The following LLGL2 variants were observed in gnomAD, a reference collection of about 807,000 sequenced individuals.
LLGL2 encodes the protein LLGL scribble cell polarity complex component 2.
Under a neutral mutation model 123.2 loss-of-function variants are expected in LLGL2, and 81 were observed. The observed-to-expected ratio is 0.66, with a 90% CI of 0.55 to 0.79. LLGL2 has a LOEUF of 0.79. LLGL2 is among the 30% of genes least tolerant of loss of function. LLGL2 has a pLI of 0.00. For synonymous variants in LLGL2, 577 were observed against 594.1 expected, an observed-to-expected ratio of 0.97 and a Z score of 0.42; for missense variants, 1,273 against 1,414.6, an observed-to-expected ratio of 0.90 and a Z score of 1.61.
Position 75,575,132 on chromosome 17 carries a change from A to G in LLGL2, c.*254A>G. 1.7e-6 allele frequency: 1 copy of G among 590,518 alleles called. No individual in the cohort carries two copies. The allele number at this position is 590,518 out of a possible 1,614,324, so 36.6% of individuals were successfully genotyped here. A position where few individuals can be genotyped will look rare whatever the true frequency, so the allele number is the denominator to read the frequency against. On this transcript the variant is annotated 3_prime_UTR_variant, in exon 26 of 26. Transcript: ENST00000392550. Reference sequence around the variant, plus strand: ...TTTTATTGCTCCCATCCCTTTTTGTAGTGGGCTGGGTTTTAAGTTATAAAT... The same window carrying G: ...TTTTATTGCTCCCATCCCTTTTTGTGGTGGGCTGGGTTTTAAGTTATAAAT...
chr17:75,558,518 C>G lies in LLGL2; in HGVS notation c.262C>G (p.Leu88Val). Residue 88 changes from leucine to valine, a missense_variant, in exon 5 of 26, where the codon CTG becomes GTG. Coordinates refer to ENST00000392550, the MANE Select transcript of LLGL2 (RefSeq NM_001031803.2). This position sits in a 1 kb window ranked among gnomAD's most constrained non-coding sequence, Gnocchi z 4.0. Reference protein sequence around the residue: ...QIHLLPGQCQLVTLLDDNSLH... With the variant: ...QIHLLPGQCQVVTLLDDNSLH... ...CGTCGTGTGCCCTCGCCAGTGCCAG[C>G]TGGTCACCCTGCTGGATGACAACAG... The G allele has an allele frequency of 1.3e-6, 2 of 1,593,270 alleles. No individual in the cohort carries two copies. The highest frequency in any genetic ancestry group is 1.7e-6 in the Non-Finnish European group (2 of 1,170,644).
chr17:75,556,647 C>T (rs1434694232), intron 3 of LLGL2, among the ~76,000 whole-genome samples: 3 of 152,186 alleles, frequency 2.0e-5, no homozygotes, highest in African/African-American at 7.2e-5. Context: ...CTGGCTGGTG[C>T]GCCAGTAGCA....
At chr17:75,548,279 CTTTTTTTT>C (rs112381847) in intron 2 of LLGL2, among the ~76,000 whole-genome samples, 1 of 144,206 alleles carries the variant, frequency 6.9e-6, no homozygotes, top group African/African-American at 2.5e-5. Flanking sequence ...TTTTTTTTTC[CTTTTTTTT>C]TTTTTTTTGG....
At chr17:75,556,321 C>T (rs1183247360) in intron 3 of LLGL2, among the ~76,000 whole-genome samples, 178 bp downstream of exon 3, 1 of 152,144 alleles carries the variant, frequency 6.6e-6, no homozygotes, top group Non-Finnish European at 1.5e-5. Flanking sequence ...GATGGTGGAG[C>T]AGGCACCTGG....
intron 1 of LLGL2, among the ~76,000 whole-genome samples, chr17:75,532,077 C>CACACACACACACACT (rs58220046): frequency 0.017 from 1,439 of 84,086 alleles, 48 homozygotes; most frequent in Non-Finnish European, 0.032. Flanking sequence ...CACACACACA[C>CACACACACACACACT]TTTTTTTTTT....
At chr17:75,545,112 C>A (rs193071790) in intron 2 of LLGL2, among the ~76,000 whole-genome samples, 1 of 152,042 alleles carries the variant, frequency 6.6e-6, no homozygotes, top group African/African-American at 2.4e-5. Context: ...TGAACACCCC[C>A]CTACCCCTGC....
Position 75,558,103 on chromosome 17 carries a change from C to G in LLGL2, c.174-52C>G, listed in dbSNP as rs754245908. On this transcript the variant is annotated intron_variant, in intron 3 of 25. Transcript: ENST00000392550. The surrounding 1 kb of genome is among the most constrained non-coding windows in gnomAD (Gnocchi z 4.0). ...GGCCCCGAGGGCCTGGCACTCAAGG[C>G]AGGCAGGGGATGGTGTCCGACCTTC... The G allele has an allele frequency of 2.1e-5, 32 of 1,557,436 alleles. No homozygotes were observed. Among genetic ancestry groups the G allele is most frequent in the Non-Finnish European group, 2.8e-5 (32 of 1,128,992 alleles).
chr17:75,552,763 A>G (rs949509282), intron 2 of LLGL2, among the ~76,000 whole-genome samples: 6 of 152,200 alleles, frequency 3.9e-5, no homozygotes, highest in African/African-American at 1.4e-4. Flanking sequence ...GAGTTGTTCC[A>G]GACATACTTG....
intron 1 of LLGL2, among the ~76,000 whole-genome samples, chr17:75,534,513 C>T (rs1423854861): frequency 1.3e-5 from 2 of 152,146 alleles, no homozygotes; most frequent in Non-Finnish European, 2.9e-5. Context: ...AAAGGTCTCG[C>T]TCTGTCACCC....
intron 22 of LLGL2, 49 bp downstream of exon 22, chr17:75,574,029 A>G (rs1024183905): frequency 3.2e-6 from 5 of 1,550,348 alleles, no homozygotes; most frequent in Non-Finnish European, 4.4e-6. Context: ...CACCCGGCCC[A>G]GACCTGGGGC....
chr17:75,566,745 A>C (rs1018820648), intron 10 of LLGL2, among the ~76,000 whole-genome samples: 2 of 152,180 alleles, frequency 1.3e-5, no homozygotes, highest in African/African-American at 4.8e-5. Flanking sequence ...TGGGAGCACC[A>C]GGAATCCTGG....
At chr17:75,554,942 A>C (rs1301274788) in intron 2 of LLGL2, among the ~76,000 whole-genome samples, 3 of 150,356 alleles carry the variant, frequency 2.0e-5, no homozygotes, top group Non-Finnish European at 4.4e-5. Context: ...TTGTAATCCT[A>C]GCACTTTGGG....
chr17:75,574,281 TG>T (rs750985663), intron 23 of LLGL2, 21 bp downstream of exon 23: 3 of 223,428 alleles, frequency 1.3e-5, no homozygotes, highest in Non-Finnish European at 2.0e-5. Flanking sequence ...TGGGAGAGGG[TG>T]GGGCTGGCAG....
intron 6 of LLGL2, among the ~76,000 whole-genome samples, chr17:75,560,212 G>A (rs766114381): frequency 3.3e-5 from 5 of 152,250 alleles, no homozygotes; most frequent in Non-Finnish European, 7.3e-5. Context: ...CCCACTTGGA[G>A]CTGTGTCCCT....
At position 75,558,401 on chromosome 17, in the gene LLGL2, C is replaced by T. The variant is rs2147372591; in HGVS notation, c.256-111C>T. The T allele has an allele frequency of 4.3e-6, 5 of 1,170,162 alleles. No individual in the cohort carries two copies. In the East Asian group the frequency reaches 1.3e-4, roughly 30 times the overall value. The allele number at this position is 1,170,162 out of a possible 1,614,324, so 72.5% of individuals were successfully genotyped here. On this transcript the variant is annotated intron_variant, in intron 4 of 25. Transcript: ENST00000392550. The surrounding 1 kb of genome is among the most constrained non-coding windows in gnomAD (Gnocchi z 4.0). ...TTCCACAGCTGGGGCTCATGGGCCA[C>T]CCTGGGAGTGGCCAGGGGGTCTTTT... is the stretch of plus-strand genomic sequence containing the variant.
At chr17:75,574,041 G>A (rs1440045047) in intron 22 of LLGL2, 61 bp downstream of exon 22, 1 of 1,550,292 alleles carries the variant, frequency 6.5e-7, no homozygotes, top group Non-Finnish European at 8.7e-7. Flanking sequence ...ACCTGGGGCT[G>A]GACGGGAGGG....
rs892473694 is a variant in LLGL2 at position 75,563,826 on chromosome 17, C to T, written c.881+20C>T. Reference sequence around the variant, plus strand: ...GCAGGGGTAGGTATCCATGCTGGTCCTCTTTCCTCTCCAGAGCCTTCCTGG... The same window carrying T: ...GCAGGGGTAGGTATCCATGCTGGTCTTCTTTCCTCTCCAGAGCCTTCCTGG... On this transcript the variant is annotated intron_variant, in intron 9 of 25. Coordinates refer to ENST00000392550, the MANE Select transcript of LLGL2 (RefSeq NM_001031803.2). The T allele has an allele frequency of 5.0e-6, 8 of 1,612,804 alleles. No homozygotes were observed. The highest frequency in any genetic ancestry group is 6.8e-6 in the Non-Finnish European group (8 of 1,179,288).
In LLGL2 at chr17:75,571,672, C is replaced by T. The variant is rs201503399; in HGVS notation, c.2182C>T (p.Arg728Trp). 114 of 1,607,292 alleles carry T rather than the reference C, an allele frequency of 7.1e-5. No homozygotes were observed. The highest frequency in any genetic ancestry group is 3.0e-4 in the Admixed American group (18 of 60,004). ...FADTYLKDSSRHCPSLWAGTN... is the reference protein window; with the variant it reads ...FADTYLKDSSWHCPSLWAGTN... ...CAAACATGGCTTCTCGGCAGGCTCC[C>T]GGCACTGCCCCTCGCTGTGGGCTGG... Residue 728 changes from arginine (R) to tryptophan (W), a missense_variant, in exon 18 of 26, where the codon CGG becomes TGG. Physicochemically the swap from Arg to Trp is moderately radical, Grantham distance 101. Transcript: ENST00000392550.
intron 2 of LLGL2, among the ~76,000 whole-genome samples, chr17:75,551,984 C>T (rs541517924): frequency 6.6e-6 from 1 of 151,918 alleles, no homozygotes; most frequent in Non-Finnish European, 1.5e-5. Flanking sequence ...CAAAAATTAG[C>T]TGGGCGTGGT....
Sources: allele counts gnomAD v4.1 joint callset (sites outside exome capture counted in the v4.1 genomes callset), GRCh38; gene constraint gnomAD v4.1.1; non-coding constraint Gnocchi (gnomAD v3.1); transcripts MANE v1.5; gene names NCBI Gene and HGNC (gene_info 2026-07-23, HGNC 2026-07-21).